CEP63: variants seen among roughly 807,000 people sequenced by gnomAD.
The protein encoded by CEP63 is centrosomal protein 63.
Under a neutral mutation model 89.1 loss-of-function variants are expected in CEP63, and 84 were observed. The observed-to-expected ratio is 0.94, with a 90% CI of 0.79 to 1.13. The LOEUF is 1.13. Among genes scored for constraint, CEP63 ranks in the 50% most tolerant of loss-of-function variants. The pLI, the probability that CEP63 is intolerant of heterozygous loss-of-function variation, is 0.00. For synonymous variants in CEP63, 267 were observed against 272.5 expected, an observed-to-expected ratio of 0.98 and a Z score of 0.20; for missense variants, 838 against 813.3, an observed-to-expected ratio of 1.03 and a Z score of -0.37.
chr3:134,600,307 T>C, the CEP63 span, among the ~76,000 whole-genome samples: 1 of 152,244 alleles, frequency 6.6e-6, no homozygotes, highest in African/African-American at 2.4e-5. Flanking sequence ...TCAAGTCCTT[T>C]GAGAAGAGGA....
At chr3:134,684,031 G>A in the CEP63 span, among the ~76,000 whole-genome samples, 1 of 152,160 alleles carries the variant, frequency 6.6e-6, no homozygotes, top group East Asian at 1.9e-4. Flanking sequence ...AACAATCCCA[G>A]GAGAAGTGGA....
chr3:134,738,266 AC>A, the CEP63 span, among the ~76,000 whole-genome samples: 3,384 of 151,526 alleles, frequency 0.022, 121 homozygotes, highest in African/African-American at 0.078. Context: ...ACACACACAC[AC>A]ACACACACAC....
chr3:134,684,387 A>G, the CEP63 span, among the ~76,000 whole-genome samples: 2 of 152,124 alleles, frequency 1.3e-5, no homozygotes, highest in Non-Finnish European at 2.9e-5. Flanking sequence ...GGGGACATGT[A>G]TTTCTTGCTT....
intron 12 of CEP63, 107 bp from the exon 13 acceptor site, chr3:134,558,035 A>T: frequency 1.1e-6 from 1 of 924,784 alleles, no homozygotes; most frequent in South Asian, 1.4e-5. Context: ...TTAAAGCCAT[A>T]GATTAACTAC....
the CEP63 span, among the ~76,000 whole-genome samples, chr3:134,672,938 T>G: frequency 6.6e-6 from 1 of 152,282 alleles, no homozygotes; most frequent in Non-Finnish European, 1.5e-5. Context: ...TTTCAATAGT[T>G]TCCCTTTACT....
the CEP63 span, among the ~76,000 whole-genome samples, chr3:134,618,039 C>T: frequency 2.6e-5 from 4 of 152,076 alleles, no homozygotes; most frequent in Non-Finnish European, 5.9e-5. Flanking sequence ...GTGGCATATT[C>T]TGTACCCTGA....
chr3:134,587,096 C>T lies in CEP63; in HGVS notation c.1207-362C>T, dbSNP rs574948789. ...TTATTCTAGTTAGCCATTCGTCTAA[C>T]CTTTTTTCAAGGTTTTTAGCTTCCT... is the stretch of plus-strand genomic sequence containing the variant. On this transcript the variant is annotated intron_variant, in intron 10 of 10. Coordinates refer to the CEP63 transcript ENST00000683931. Among the ~76,000 whole-genome samples the T allele has an allele frequency of 4.6e-5, 7 of 152,270 alleles. No homozygotes were observed. In the East Asian group the frequency reaches 1.4e-3, roughly 29 times the overall value.
chr3:134,720,291 C>T, the CEP63 span, among the ~76,000 whole-genome samples: 2 of 151,906 alleles, frequency 1.3e-5, no homozygotes, highest in African/African-American at 2.4e-5. Context: ...GAACTTTTTT[C>T]CCATTAAAAA....
chr3:134,774,564 A>G, the CEP63 span, among the ~76,000 whole-genome samples: 1 of 152,228 alleles, frequency 6.6e-6, no homozygotes, highest in African/African-American at 2.4e-5. Flanking sequence ...TTTTAGGAAT[A>G]GAAACGTGCA....
At chr3:134,707,970 G>A in the CEP63 span, among the ~76,000 whole-genome samples, 1 of 152,052 alleles carries the variant, frequency 6.6e-6, no homozygotes, top group Non-Finnish European at 1.5e-5. Flanking sequence ...TTCACTGATT[G>A]GGGTAAGACC....
At chr3:134,566,604 T>C (rs1055921002), downstream of CEP63, among the ~76,000 whole-genome samples, 1 of 152,068 alleles carries the variant, frequency 6.6e-6, no homozygotes, top group Non-Finnish European at 1.5e-5. Context: ...AAAAAGACAA[T>C]TCAGTTCAAA....
At chr3:134,710,484 T>C in the CEP63 span, among the ~76,000 whole-genome samples, 1 of 152,182 alleles carries the variant, frequency 6.6e-6, no homozygotes, top group South Asian at 2.1e-4. Context: ...ATTTTTACAA[T>C]TTTCAAAAAC....
the CEP63 span, among the ~76,000 whole-genome samples, chr3:134,722,807 G>A: frequency 6.6e-6 from 1 of 152,082 alleles, no homozygotes; most frequent in African/African-American, 2.4e-5. Flanking sequence ...TTTGAATTTT[G>A]ATATTGTTAT....
chr3:134,608,146 C>T, the CEP63 span: 5 of 1,138,216 alleles, frequency 4.4e-6, no homozygotes, highest in Non-Finnish European at 5.5e-6. Context: ...ACCCAGATTC[C>T]AGCTCTGCTG....
At chr3:134,540,594 TC>T (rs1308130449) in intron 6 of CEP63, among the ~76,000 whole-genome samples, 1 of 152,024 alleles carries the variant, frequency 6.6e-6, no homozygotes, top group Non-Finnish European at 1.5e-5. Flanking sequence ...CTTTTGACTT[TC>T]CCCACTTTTA....
At chr3:134,566,773 A>G (rs1027685075), downstream of CEP63, among the ~76,000 whole-genome samples, 5 of 152,208 alleles carry the variant, frequency 3.3e-5, no homozygotes, top group African/African-American at 1.2e-4. Context: ...AAAATGGACA[A>G]TCACAAGTGT....
At chr3:134,541,810 G>A (rs979151973) in intron 6 of CEP63, among the ~76,000 whole-genome samples, 10 of 152,118 alleles carry the variant, frequency 6.6e-5, no homozygotes, top group African/African-American at 2.4e-4. Flanking sequence ...ACTGCGCCTG[G>A]CCACCAGCAT....
intron 14 of CEP63, 108 bp from the exon 15 acceptor site, chr3:134,561,269 A>C (rs1957291268): frequency 1.7e-6 from 2 of 1,182,280 alleles, no homozygotes; most frequent in Non-Finnish European, 2.5e-6. Flanking sequence ...TCTTCAGAGG[A>C]AAAAAATCAC....
chr3:134,721,905 A>G, the CEP63 span, among the ~76,000 whole-genome samples: 2 of 152,108 alleles, frequency 1.3e-5, no homozygotes, highest in Non-Finnish European at 2.9e-5. Context: ...ATCTATATTT[A>G]TAAGAGATCT....
Sources: allele counts gnomAD v4.1 joint callset (sites outside exome capture counted in the v4.1 genomes callset), GRCh38; gene constraint gnomAD v4.1.1; transcripts MANE v1.5; gene names NCBI Gene and HGNC (gene_info 2026-07-23, HGNC 2026-07-21).